LRP1: variants seen among roughly 807,000 people sequenced by gnomAD.
LRP1 encodes LDL receptor related protein 1.
Under a neutral mutation model 541.5 loss-of-function variants are expected in LRP1, and 51 were observed. The observed-to-expected ratio is 0.09, with a 90% CI of 0.08 to 0.12. LRP1 has a LOEUF of 0.12. Ranked by LOEUF, LRP1 falls within the 10% of genes least tolerant of loss-of-function variation. The probability of loss-of-function intolerance (pLI) is 1.00; values close to 1 mark genes in which losing one functional copy is unlikely to be tolerated. For missense variants in LRP1, 3,878 were observed against 6,376.2 expected (o/e 0.61, Z 13.34); for synonymous variants, 2,219 against 2,470.8 (o/e 0.90, Z 3.02).
chr12:57,201,925 C>T lies in LRP1; in HGVS notation c.10594+20C>T. 6.2e-7 allele frequency: 1 copy of T among 1,613,576 alleles called. No homozygotes were observed. Among genetic ancestry groups the T allele is most frequent in the South Asian group, 1.1e-5 (1 of 91,046 alleles). ...AGTGTGGTGAGCCGAGACCCCACTC[C>T]AGGAGGAAGACAGTCTACCTGGGTG... is the stretch of plus-strand genomic sequence containing the variant. On this transcript the variant is annotated intron_variant, in intron 67 of 88. Coordinates refer to ENST00000243077, the MANE Select transcript of LRP1 (RefSeq NM_002332.3). This position sits in a 1 kb window ranked among gnomAD's most constrained non-coding sequence, Gnocchi z 6.4.
In LRP1 at chr12:57,185,221, TG is replaced by T. The variant is rs778354857; in HGVS notation, c.6463+19del. The T allele has an allele frequency of 2.5e-5, 41 of 1,613,640 alleles. No individual in the cohort carries two copies. The East Asian group carries it at 8.9e-4, about 35-fold the overall frequency. ...CGGCAGAAAGGTGAGGCTGGGGCTCTGGGCTGGGGTGGAGAGGTGAGGGGGA... is the reference window on the plus strand; with the variant it reads ...CGGCAGAAAGGTGAGGCTGGGGCTCTGGCTGGGGTGGAGAGGTGAGGGGGA... On this transcript the variant is annotated intron_variant, in intron 40 of 88. Coordinates refer to ENST00000243077, the MANE Select transcript of LRP1 (RefSeq NM_002332.3). The surrounding 1 kb of genome is among the most constrained non-coding windows in gnomAD (Gnocchi z 4.9).
chr12:57,143,350 A>T (rs2136660812), intron 3 of LRP1, among the ~76,000 whole-genome samples: 1 of 152,046 alleles, frequency 6.6e-6, no homozygotes, highest in South Asian at 2.1e-4. Context: ...AAGGGATAAG[A>T]CTCACCATCC....
chr12:57,206,528 C>T lies in LRP1; in HGVS notation c.11646C>T (p.Phe3882=). The change falls in exon 76 of 89, where the codon TTC becomes TTT. Residue 3882 remains phenylalanine, a synonymous_variant. Transcript: ENST00000243077. The surrounding 1 kb of genome is among the most constrained non-coding windows in gnomAD (Gnocchi z 4.7). ...ATGACAATGAGATCCGCAGCCTGTT[C>T]CCCGGCCACCCCCATTCGGCTTACG... ...IADDNEIRSL[F]PGHPHSAYEQ... is the part of the protein sequence containing the mutation. The T allele has an allele frequency of 6.2e-7, 1 of 1,614,158 alleles. No homozygotes were observed. The highest frequency in any genetic ancestry group is 8.5e-7 in the Non-Finnish European group (1 of 1,180,038).
chr12:57,191,239 G>A (rs1273685390), intron 43 of LRP1, 81 bp from the exon 44 acceptor site: 2 of 1,392,918 alleles, frequency 1.4e-6, no homozygotes, highest in Non-Finnish European at 2.0e-6. Flanking sequence ...AGCTGTCAGA[G>A]GCCAGGCCAG....
At position 57,201,448 on chromosome 12, in the gene LRP1, G is replaced by A. The variant is rs377480456; in HGVS notation, c.10346-49G>A. 2 of 1,567,738 alleles carry A rather than the reference G, an allele frequency of 1.3e-6. No individual in the cohort carries two copies. The highest frequency in any genetic ancestry group is 1.7e-6 in the Non-Finnish European group (2 of 1,152,290). The stretch of plus-strand genomic sequence containing the variant: ...AGAGAGAAGACAGTGATGGTGAACT[G>A]GAGTGGCAGGTGTAAGGGAGGGCCC... On this transcript the variant is annotated intron_variant, in intron 65 of 88. Transcript: ENST00000243077. The surrounding 1 kb of genome is among the most constrained non-coding windows in gnomAD (Gnocchi z 6.4).
Position 57,128,613 on chromosome 12 carries a change from C to T in LRP1, c.-352C>T, listed in dbSNP as rs1442712673. On this transcript the variant is annotated 5_prime_UTR_variant, in exon 1 of 89. Coordinates refer to ENST00000243077, the MANE Select transcript of LRP1 (RefSeq NM_002332.3). Reference sequence around the variant, plus strand: ...TACCCGGTCCACGCCCCCCACCCCCCCTCCCCGCCTCCTCCCAATTGTGCA... The same window carrying T: ...TACCCGGTCCACGCCCCCCACCCCCTCTCCCCGCCTCCTCCCAATTGTGCA... 7.2e-6 allele frequency: 3 copies of T among 415,270 alleles called. No homozygotes were observed. The highest frequency in any genetic ancestry group is 1.3e-5 in the Non-Finnish European group (3 of 234,312). 25.7% of individuals were successfully genotyped at this position (415,270 alleles called of 1,614,324 possible).
In LRP1 at chr12:57,173,177, C is replaced by T; in HGVS notation, c.3173C>T (p.Pro1058Leu). 3.1e-6 allele frequency: 5 copies of T among 1,607,814 alleles called. No homozygotes were observed. In the South Asian group the frequency reaches 4.4e-5, roughly 14 times the overall value. ...HANCTNQATR[P>L]PGGCHTDEFQ... ...CACTGTCCCTCTGCAGCCACGAGGC[C>T]CCCTGGTGGCTGCCACACTGATGAG... is the stretch of plus-strand genomic sequence containing the variant. Residue 1058 changes from proline (P) to leucine (L), a missense_variant, in exon 21 of 89, where the codon CCC (proline) becomes CTC (leucine). Around this residue, in one of 13 missense-constraint regions of LRP1, gnomAD observed 320 missense variants for 547.9 expected, o/e 0.58. Transcript: ENST00000243077. This position sits in a 1 kb window ranked among gnomAD's most constrained non-coding sequence, Gnocchi z 4.7.
rs138361133 is a variant in LRP1, at chr12:57,200,535, C to T, written c.10108C>T (p.Pro3370Ser). The T allele has an allele frequency of 3.3e-5, 53 of 1,613,126 alleles. No individual in the cohort carries two copies. Among genetic ancestry groups the T allele is most frequent in the Non-Finnish European group, 4.2e-5 (49 of 1,179,536 alleles). The change falls in exon 63 of 89, where the codon CCT becomes TCT. Residue 3370 changes from proline (P) to serine (S), a missense_variant and splice_region_variant. Coordinates refer to ENST00000243077, the MANE Select transcript of LRP1 (RefSeq NM_002332.3). Reference protein sequence around the residue: ...GDHSDEPPDCPEFKCRPGQFQ... With the variant: ...GDHSDEPPDCSEFKCRPGQFQ... Reference sequence around the variant, plus strand: ...CCACTCAGACGAGCCCCCGGACTGCCGTGAGTGCCTGCTGGGGGTGACAGG... The same window carrying T: ...CCACTCAGACGAGCCCCCGGACTGCTGTGAGTGCCTGCTGGGGGTGACAGG...
Position 57,160,016 on chromosome 12 carries a change from C to T in LRP1, c.1979+11C>T. 1 of 1,612,900 alleles carries T rather than the reference C, an allele frequency of 6.2e-7. No individual in the cohort carries two copies. Among genetic ancestry groups the T allele is most frequent in the Non-Finnish European group, 8.5e-7 (1 of 1,179,178 alleles). ...GGATCCACTCAATGGGTGAGTCCTC[C>T]CAGGCCTTGGGGTGGGAGGAGCTGG... On this transcript the variant is annotated intron_variant, in intron 12 of 88. Transcript: ENST00000243077.
Position 57,158,494 on chromosome 12 carries a change from A to G in LRP1, c.1654A>G (p.Met552Val). The change falls in exon 11 of 89, where the codon ATG (methionine) becomes GTG (valine). Residue 552 changes from methionine to valine, a missense_variant. By Grantham distance (21) the Met-to-Val change is conservative. Transcript: ENST00000243077. The surrounding 1 kb of genome is among the most constrained non-coding windows in gnomAD (Gnocchi z 5.3). ...GGGGGCCAAGGTCCCGGATGAGCAC[A>G]TGATCCCCATTGAAAACCTCATGAA... Reference protein sequence around the residue: ...DMGAKVPDEHMIPIENLMNPR... With the variant: ...DMGAKVPDEHVIPIENLMNPR... 3.1e-6 allele frequency: 5 copies of G among 1,614,202 alleles called. No individual in the cohort carries two copies. Among genetic ancestry groups the G allele is most frequent in the Non-Finnish European group, 4.2e-6 (5 of 1,180,014 alleles).
Position 57,201,081 on chromosome 12 carries a change from C to T in LRP1, c.10273C>T (p.Arg3425Cys). Residue 3425 changes from arginine (R) to cysteine (C), a missense_variant, in exon 65 of 89, where the codon CGC (arginine) becomes TGC (cysteine). This residue lies in a region of LRP1 where 278 missense variants were observed against 536.3 expected (regional missense o/e 0.52). Transcript: ENST00000243077. This position sits in a 1 kb window ranked among gnomAD's most constrained non-coding sequence, Gnocchi z 6.4. ...PSQFKCTNTN[R>C]CIPGIFRCNG... ...TCAGTTCAAATGCACCAACACCAAC[C>T]GCTGTATTCCCGGCATCTTCCGCTG... The T allele has an allele frequency of 1.2e-6, 2 of 1,613,976 alleles. No individual in the cohort carries two copies. Among genetic ancestry groups the T allele is most frequent in the Non-Finnish European group, 1.7e-6 (2 of 1,179,978 alleles).
At chr12:57,171,829 C>G (rs1273882311) in intron 20 of LRP1, among the ~76,000 whole-genome samples, 1 of 152,078 alleles carries the variant, frequency 6.6e-6, no homozygotes, top group East Asian at 1.9e-4. Context: ...TGCTCCTGCT[C>G]CTCTCCTGGC....
In LRP1 at chr12:57,145,484, C is replaced by T. The variant is rs150607833; in HGVS notation, c.835C>T (p.Leu279=). Residue 279 remains leucine (L), a synonymous_variant, in exon 6 of 89, where the codon CTG becomes TTG. Transcript: ENST00000243077. ...GCACACCATCAACATCTCCCTCAGT[C>T]TGCACCGTGAGTCACCTGCTCTCAG... ...DEHTINISLS[L]HHVEQMAIDW... 1 of 1,612,924 alleles carries T rather than the reference C, an allele frequency of 6.2e-7. No individual in the cohort carries two copies. Among genetic ancestry groups the T allele is most frequent in the African/African-American group, 1.3e-5 (1 of 74,914 alleles).
At chr12:57,195,531 C>T (rs1592651544) in intron 52 of LRP1, 127 bp from the exon 53 acceptor site, 3 of 1,569,536 alleles carry the variant, frequency 1.9e-6, no homozygotes, top group Non-Finnish European at 2.6e-6. Context: ...TAGCTGTAGC[C>T]CAGGTGTCCA....
At position 57,156,770 on chromosome 12, in the gene LRP1, C is replaced by T. The variant is rs757863916; in HGVS notation, c.1418-7C>T. On this transcript the variant is annotated splice_region_variant and splice_polypyrimidine_tract_variant and intron_variant, in intron 9 of 88. Coordinates refer to ENST00000243077, the MANE Select transcript of LRP1 (RefSeq NM_002332.3). The surrounding 1 kb of genome is among the most constrained non-coding windows in gnomAD (Gnocchi z 5.2). ...GGGGTCCTAACAGCTCTTCACCCTG[C>T]CCCCAGTGAGGAGCCATGCCTGTGA... The T allele has an allele frequency of 6.2e-7, 1 of 1,603,260 alleles. No homozygotes were observed. The highest frequency in any genetic ancestry group is 1.1e-5 in the South Asian group (1 of 90,248).
rs1450077724 is a variant in LRP1, at chr12:57,187,292, C to T, written c.6867C>T (p.Ala2289=). ...ACGTGGGCTCCGTGGAAGGCCTGGCCTATCACCGTGGCTGGGACACTCTCT... is the reference window on the plus strand; with the variant it reads ...ACGTGGGCTCCGTGGAAGGCCTGGCTTATCACCGTGGCTGGGACACTCTCT... ...VENVGSVEGL[A]YHRGWDTLYW... The change falls in exon 42 of 89, where the codon GCC becomes GCT. Residue 2289 remains alanine (A), a synonymous_variant. Coordinates refer to ENST00000243077, the MANE Select transcript of LRP1 (RefSeq NM_002332.3). The T allele has an allele frequency of 1.2e-6, 2 of 1,613,960 alleles. No homozygotes were observed. The highest frequency in any genetic ancestry group is 1.7e-6 in the Non-Finnish European group (2 of 1,179,890).
In LRP1 at chr12:57,211,605, C is replaced by A. The variant is rs749548938; in HGVS notation, c.13193+17C>A. 1 of 1,612,352 alleles carries A rather than the reference C, an allele frequency of 6.2e-7. No homozygotes were observed. The highest frequency in any genetic ancestry group is 8.5e-7 in the Non-Finnish European group (1 of 1,178,432). ...TGAGTGCCAGTGAGTTGGGCCCGGG[C>A]TTCACCCAGGCATAGATCATCGCTC... On this transcript the variant is annotated intron_variant, in intron 85 of 88. Transcript: ENST00000243077. The surrounding 1 kb of genome is among the most constrained non-coding windows in gnomAD (Gnocchi z 4.3).
chr12:57,204,308 G>A lies in LRP1; in HGVS notation c.10952-102G>A. On this transcript the variant is annotated intron_variant, in intron 70 of 88. Transcript: ENST00000243077. The surrounding 1 kb of genome is among the most constrained non-coding windows in gnomAD (Gnocchi z 5.3). ...CTGGTTCCAATTTGGCTGTGCCACT[G>A]CTTGCCTGGTGACCCCTCTGAGCCT... 1 of 1,339,846 alleles carries A rather than the reference G, an allele frequency of 7.5e-7. No homozygotes were observed. Among genetic ancestry groups the A allele is most frequent in the Non-Finnish European group, 9.9e-7 (1 of 1,009,594 alleles). The allele number at this position is 1,339,846 out of a possible 1,614,324, so 83.0% of individuals were successfully genotyped here.
Position 57,200,007 on chromosome 12 carries a change from C to T in LRP1, c.9996C>T (p.Ser3332=). 6.3e-7 allele frequency: 1 copy of T among 1,594,982 alleles called. No homozygotes were observed. The highest frequency in any genetic ancestry group is 8.5e-7 in the Non-Finnish European group (1 of 1,174,368). The part of the protein sequence containing the change: ...YLGSDGRTCV[S]NCTASQFVCK... ...GCAGCGATGGGCGCACCTGTGTGTC[C>T]AACTGCACGGCTAGCCAGGTGAGGC... is the stretch of plus-strand genomic sequence containing the variant. Residue 3332 remains serine, a synonymous_variant, in exon 62 of 89, where the codon TCC becomes TCT. Coordinates refer to ENST00000243077, the MANE Select transcript of LRP1 (RefSeq NM_002332.3).
Sources: allele counts gnomAD v4.1 joint callset (sites outside exome capture counted in the v4.1 genomes callset), GRCh38; gene constraint gnomAD v4.1.1; regional missense constraint gnomAD v4.1.1; non-coding constraint Gnocchi (gnomAD v3.1); transcripts MANE v1.5; gene names NCBI Gene and HGNC (gene_info 2026-07-23, HGNC 2026-07-21).